TTC6: variants seen among roughly 807,000 people sequenced by gnomAD.
TTC6 encodes the protein tetratricopeptide repeat protein 6.
Under a neutral mutation model 210.4 loss-of-function variants are expected in TTC6, and 172 were observed. The ratio of observed to expected loss-of-function variants is 0.82; its 90% CI spans 0.72 to 0.93. TTC6 has a LOEUF of 0.93. Ranked by LOEUF, TTC6 falls within the 40% of genes least tolerant of loss-of-function variation. The pLI is 0.00. For missense variants in TTC6, 2,414 were observed against 2,318.1 expected, an observed-to-expected ratio of 1.04 and a Z score of -0.85; for synonymous variants, 804 against 819.6, an observed-to-expected ratio of 0.98 and a Z score of 0.32.
intron 1 of TTC6, among the ~76,000 whole-genome samples, chr14:37,637,225 A>G (rs964212384): frequency 1.3e-5 from 2 of 152,236 alleles, no homozygotes; most frequent in Non-Finnish European, 2.9e-5. Flanking sequence ...TCAGACAAAA[A>G]CATAGAAGAA....
intron 1 of TTC6, among the ~76,000 whole-genome samples, chr14:37,626,940 C>T (rs1213634253): frequency 2.6e-5 from 4 of 152,164 alleles, no homozygotes; most frequent in Non-Finnish European, 5.9e-5. Flanking sequence ...TATTTGTTCA[C>T]ACTCAAATCT....
chr14:37,693,792 T>G (rs2095809091), intron 3 of TTC6, among the ~76,000 whole-genome samples: 1 of 151,950 alleles, frequency 6.6e-6, no homozygotes, highest in South Asian at 2.1e-4. Context: ...TACAGTAAAC[T>G]CATTTTCAAC....
intron 25 of TTC6, among the ~76,000 whole-genome samples, chr14:37,816,148 A>G (rs1242428674): frequency 6.6e-6 from 1 of 152,016 alleles, no homozygotes; most frequent in Non-Finnish European, 1.5e-5. Context: ...TCTTCCAAAT[A>G]GTTCCATTTG....
upstream of TTC6, among the ~76,000 whole-genome samples, chr14:37,620,585 T>C (rs561001141): frequency 2.6e-5 from 4 of 152,296 alleles, no homozygotes; most frequent in African/African-American, 4.8e-5. Context: ...TAGCCTGGCT[T>C]TGTGTAATGA....
chr14:37,753,045 T>G, intron 13 of TTC6, 54 bp from the exon 16 acceptor site: 1 of 1,389,858 alleles, frequency 7.2e-7, no homozygotes, highest in South Asian at 1.4e-5. Context: ...TGTGATTATA[T>G]ACTTCATTTT....
intron 29 of TTC6, among the ~76,000 whole-genome samples, chr14:37,833,054 CAA>C (rs35167770): frequency 1.1e-4 from 14 of 131,596 alleles, no homozygotes; most frequent in African/African-American, 1.4e-4. Flanking sequence ...GAGACTCCAT[CAA>C]AAAAAAAAAA....
At chr14:37,661,486 ACTATC>A (rs760318075) in intron 1 of TTC6, among the ~76,000 whole-genome samples, 1 of 152,174 alleles carries the variant, frequency 6.6e-6, no homozygotes, top group East Asian at 1.9e-4. Context: ...TTGTAGCTGT[ACTATC>A]TTAATTCTGA....
At chr14:37,680,239 T>C in exon 2 of TTC6, 3 of 1,533,388 alleles carry the variant, frequency 2.0e-6, no homozygotes, top group Non-Finnish European at 1.7e-6. Context: ...AAATTCCAGA[T>C]GGGTGCTGAG....
At chr14:37,768,810 T>C (rs1198072002) in intron 14 of TTC6, among the ~76,000 whole-genome samples, 2 of 152,086 alleles carry the variant, frequency 1.3e-5, no homozygotes, top group East Asian at 3.9e-4. Context: ...TCCTGCCTGA[T>C]TGCCCTGGCC....
At chr14:37,786,584 G>A (rs567023505) in intron 14 of TTC6, among the ~76,000 whole-genome samples, 44 of 152,302 alleles carry the variant, frequency 2.9e-4, no homozygotes, top group Admixed American at 2.4e-3. Context: ...CGGGTGAGGC[G>A]GTGCCTGGCC....
At chr14:37,753,235 G>A (rs2095957733) in exon 14 of TTC6, 1 of 1,518,208 alleles carries the variant, frequency 6.6e-7, no homozygotes. Context: ...TCTCAAGCAA[G>A]GTAAGAATGA....
At chr14:37,752,494 G>A (rs566237657) in intron 13 of TTC6, among the ~76,000 whole-genome samples, 1 of 142,744 alleles carries the variant, frequency 7.0e-6, no homozygotes, top group Non-Finnish European at 1.5e-5. Flanking sequence ...AGTACATTGA[G>A]GTCAAATTTT....
intron 26 of TTC6, among the ~76,000 whole-genome samples, chr14:37,823,428 C>A (rs1409611736): frequency 1.3e-5 from 2 of 152,052 alleles, no homozygotes; most frequent in African/African-American, 4.8e-5. Context: ...GTAATTGATA[C>A]CTGTTAAAAA....
intron 7 of TTC6, among the ~76,000 whole-genome samples, chr14:37,731,361 A>C (rs1397305191): frequency 6.6e-6 from 1 of 152,230 alleles, no homozygotes; most frequent in African/African-American, 2.4e-5. Flanking sequence ...ACACTTCAGC[A>C]CTATACTGGG....
chr14:37,830,081 G>A (rs547142606), intron 29 of TTC6, among the ~76,000 whole-genome samples: 20 of 152,136 alleles, frequency 1.3e-4, no homozygotes, highest in African/African-American at 4.8e-4. Context: ...AGTTTTGCAT[G>A]TTGATAGCTG....
intron 14 of TTC6, among the ~76,000 whole-genome samples, chr14:37,779,151 C>T (rs2096047086): frequency 6.6e-6 from 1 of 152,184 alleles, no homozygotes; most frequent in South Asian, 2.1e-4. Context: ...CATCCTTTCC[C>T]CAGGAGTCAC....
At chr14:37,735,161 G>A (rs2095898196) in intron 7 of TTC6, among the ~76,000 whole-genome samples, 1 of 152,064 alleles carries the variant, frequency 6.6e-6, no homozygotes, top group Admixed American at 6.6e-5. Context: ...TGATTCCTAA[G>A]TTACCCATAG....
chr14:37,696,161 T>C (rs1185962023), intron 3 of TTC6, among the ~76,000 whole-genome samples: 1 of 152,184 alleles, frequency 6.6e-6, no homozygotes, highest in African/African-American at 2.4e-5. Flanking sequence ...TCCTTTTATC[T>C]GGCTACCTTC....
At chr14:37,605,892 C>T (rs1032194789) in intron 1 of TTC6, among the ~76,000 whole-genome samples, 5 of 150,018 alleles carry the variant, frequency 3.3e-5, no homozygotes, top group Admixed American at 3.3e-4. Context: ...GTTTTATTCA[C>T]AGGTTTTTTT....
Sources: allele counts gnomAD v4.1 joint callset (sites outside exome capture counted in the v4.1 genomes callset), GRCh38; gene constraint gnomAD v4.1.1; transcripts MANE v1.5; gene names NCBI Gene and HGNC (gene_info 2026-07-23, HGNC 2026-07-21).